AFG2A: variants seen among roughly 807,000 people sequenced by gnomAD.
AFG2A encodes ATPase family gene 2 protein homolog A.
chr4:123,302,732 A>G, the AFG2A span, among the ~76,000 whole-genome samples: 1 of 152,158 alleles, frequency 6.6e-6, no homozygotes, highest in Admixed American at 6.5e-5. Flanking sequence ...AAATATCTCT[A>G]TATCTTGACA....
At chr4:123,073,106 TATTA>T in the AFG2A span, among the ~76,000 whole-genome samples, 1 of 152,034 alleles carries the variant, frequency 6.6e-6, no homozygotes, top group Admixed American at 6.5e-5. Flanking sequence ...AATACATTAT[TATTA>T]ATTATCATAA....
the AFG2A span, chr4:122,929,030 T>TA: frequency 6.2e-7 from 1 of 1,610,528 alleles, no homozygotes; most frequent in Non-Finnish European, 8.5e-7. Flanking sequence ...TTATTTCCTC[T>TA]GTCTGGCAGG....
chr4:122,947,386 C>T, the AFG2A span: 13 of 1,613,914 alleles, frequency 8.1e-6, no homozygotes, highest in Middle Eastern at 1.6e-4. Flanking sequence ...GAAACTGCTT[C>T]GAAGGGTACC....
At chr4:123,224,053 C>T in the AFG2A span, among the ~76,000 whole-genome samples, 1,771 of 152,182 alleles carry the variant, frequency 0.012, 31 homozygotes, top group African/African-American at 0.04. Context: ...AGCTTTAAGT[C>T]ATATGTTTAA....
the AFG2A span, among the ~76,000 whole-genome samples, chr4:123,249,664 T>C: frequency 6.6e-6 from 1 of 152,192 alleles, no homozygotes; most frequent in African/African-American, 2.4e-5. Context: ...GGGTGCCTTA[T>C]ATGTGCCATA....
At chr4:123,038,573 A>G in the AFG2A span, among the ~76,000 whole-genome samples, 1 of 152,054 alleles carries the variant, frequency 6.6e-6, no homozygotes, top group African/African-American at 2.4e-5. Flanking sequence ...AATTGCTGTG[A>G]CTTCTCATAA....
At chr4:122,953,727 G>C in the AFG2A span, among the ~76,000 whole-genome samples, 14 of 152,250 alleles carry the variant, frequency 9.2e-5, no homozygotes, top group African/African-American at 3.4e-4. Flanking sequence ...CCACTACCAG[G>C]TTGTGCCACA....
the AFG2A span, among the ~76,000 whole-genome samples, chr4:123,222,047 A>C: frequency 1.3e-5 from 2 of 152,198 alleles, no homozygotes; most frequent in South Asian, 4.1e-4. Context: ...ATTAGACTAG[A>C]GATCTCATGG....
chr4:123,088,586 T>A, the AFG2A span, among the ~76,000 whole-genome samples: 1 of 152,016 alleles, frequency 6.6e-6, no homozygotes, highest in African/African-American at 2.4e-5. Context: ...AATCCCCGTA[T>A]GTTGGAGGAG....
the AFG2A span, among the ~76,000 whole-genome samples, chr4:123,085,929 C>T: frequency 0.01 from 1,559 of 151,614 alleles, 36 homozygotes; most frequent in African/African-American, 0.035. Context: ...TTCAAATAGC[C>T]CTATTCACTT....
the AFG2A span, among the ~76,000 whole-genome samples, chr4:123,156,605 C>G: frequency 2.0e-5 from 3 of 151,906 alleles, no homozygotes. Flanking sequence ...TTTTTATCAC[C>G]AAGACAGCTG....
At chr4:123,018,033 TC>T in the AFG2A span, among the ~76,000 whole-genome samples, 1 of 152,230 alleles carries the variant, frequency 6.6e-6, no homozygotes, top group African/African-American at 2.4e-5. Context: ...TATTTTTTTT[TC>T]TATTTATTTT....
chr4:123,150,719 A>G, the AFG2A span, among the ~76,000 whole-genome samples: 1 of 152,222 alleles, frequency 6.6e-6, no homozygotes, highest in African/African-American at 2.4e-5. Flanking sequence ...ATTCAATGCT[A>G]TTCCCATCAA....
chr4:123,150,180 C>G, the AFG2A span, among the ~76,000 whole-genome samples: 1 of 152,104 alleles, frequency 6.6e-6, no homozygotes, highest in African/African-American at 2.4e-5. Context: ...ACTGAATAGG[C>G]AAAAGCTGGA....
At chr4:123,007,548 GTATGTGTGTGTGTGTGTATA>G in the AFG2A span, among the ~76,000 whole-genome samples, 27 of 88,658 alleles carry the variant, frequency 3.0e-4, no homozygotes, top group East Asian at 1.8e-3. Context: ...ATATGTGTAT[GTATGTGTGTGTGTGTGTATA>G]TGTGTGTGTG....
At chr4:122,950,384 G>A in the AFG2A span, among the ~76,000 whole-genome samples, 4 of 148,482 alleles carry the variant, frequency 2.7e-5, no homozygotes, top group East Asian at 2.0e-4. Flanking sequence ...TTGTTGCCCA[G>A]ACTGGAGCGC....
chr4:123,221,401 A>G, the AFG2A span, among the ~76,000 whole-genome samples: 2 of 152,052 alleles, frequency 1.3e-5, no homozygotes, highest in African/African-American at 4.8e-5. Context: ...AGGCTCAAGC[A>G]ATCTTCCTCC....
At chr4:122,957,999 G>T in the AFG2A span, among the ~76,000 whole-genome samples, 1 of 152,126 alleles carries the variant, frequency 6.6e-6, no homozygotes, top group South Asian at 2.1e-4. Context: ...CTTGATAAAG[G>T]AATAGTGTTT....
At chr4:123,137,302 T>G in the AFG2A span, among the ~76,000 whole-genome samples, 1 of 152,194 alleles carries the variant, frequency 6.6e-6, no homozygotes, top group Admixed American at 6.5e-5. Context: ...AGAATTTCTA[T>G]TTGGTCTATT....
Sources: gnomAD v4.1 joint callset for allele counts (sites outside exome capture counted in the v4.1 genomes callset) on GRCh38, gnomAD v4.1.1 for gene constraint, MANE v1.5 for transcripts, NCBI Gene and HGNC (gene_info 2026-07-23, HGNC 2026-07-21) for gene names.